LYPLAL1: variants seen among roughly 807,000 people sequenced by gnomAD.
LYPLAL1 encodes lysophospholipase-like protein 1.
A neutral mutation model predicts 19.7 loss-of-function variants in LYPLAL1; 23 were observed. The observed-to-expected ratio is 1.17, with a 90% CI of 0.84 to 1.65. The LOEUF is 1.65. LYPLAL1 is among the 40% of genes most tolerant of loss of function. The pLI is 0.00. For synonymous variants in LYPLAL1, 119 were observed against 96.3 expected, an observed-to-expected ratio of 1.24 and a Z score of -1.38; for missense variants, 355 against 279.4, an observed-to-expected ratio of 1.27 and a Z score of -1.93.
intron 3 of LYPLAL1, among the ~76,000 whole-genome samples, chr1:219,202,710 C>T (rs1201451671): frequency 6.6e-6 from 1 of 152,108 alleles, no homozygotes; most frequent in African/African-American, 2.4e-5. Context: ...CAGGGTCTTG[C>T]TGTGTTGCCC....
chr1:219,227,010 T>G, the LYPLAL1 span, among the ~76,000 whole-genome samples: 3 of 152,236 alleles, frequency 2.0e-5, no homozygotes, highest in Non-Finnish European at 4.4e-5. Context: ...ATTTCAACTC[T>G]TCTGTCTTTG....
the LYPLAL1 span, among the ~76,000 whole-genome samples, chr1:219,334,315 T>C: frequency 2.0e-5 from 3 of 152,078 alleles, no homozygotes; most frequent in Admixed American, 2.0e-4. Flanking sequence ...CAGTCTCATC[T>C]CCCACTGCAA....
At chr1:219,373,272 GAC>G in the LYPLAL1 span, among the ~76,000 whole-genome samples, 1 of 152,224 alleles carries the variant, frequency 6.6e-6, no homozygotes, top group African/African-American at 2.4e-5. Context: ...GCACATGTAA[GAC>G]ACAGTAGGAA....
the LYPLAL1 span, among the ~76,000 whole-genome samples, chr1:219,322,738 C>G: frequency 6.6e-6 from 1 of 152,132 alleles, no homozygotes; most frequent in Non-Finnish European, 1.5e-5. Context: ...CTCACTTAGC[C>G]CATTTTCTGT....
At chr1:219,349,022 C>A in the LYPLAL1 span, among the ~76,000 whole-genome samples, 1 of 152,188 alleles carries the variant, frequency 6.6e-6, no homozygotes, top group African/African-American at 2.4e-5. Flanking sequence ...GACAACAATT[C>A]ATGCAGTAGG....
the LYPLAL1 span, among the ~76,000 whole-genome samples, chr1:219,367,931 T>C: frequency 7.2e-6 from 1 of 139,070 alleles, no homozygotes; most frequent in Non-Finnish European, 1.5e-5. Context: ...CTCGACTTGA[T>C]CTATGGCTTT....
chr1:219,302,004 G>A, the LYPLAL1 span, among the ~76,000 whole-genome samples: 1 of 152,164 alleles, frequency 6.6e-6, no homozygotes, highest in Non-Finnish European at 1.5e-5. Context: ...AGAGAGAACT[G>A]GGGGTAGGGG....
the LYPLAL1 span, among the ~76,000 whole-genome samples, chr1:219,379,721 A>G: frequency 6.6e-6 from 1 of 152,194 alleles, no homozygotes; most frequent in Non-Finnish European, 1.5e-5. Context: ...TTTACATTCC[A>G]TTTTATTATT....
At chr1:219,362,583 G>T in the LYPLAL1 span, among the ~76,000 whole-genome samples, 4 of 152,252 alleles carry the variant, frequency 2.6e-5, no homozygotes, top group African/African-American at 9.6e-5. Flanking sequence ...ACAAATGGAA[G>T]CAGGAACCCC....
At chr1:219,347,225 CCCAGG>C in the LYPLAL1 span, among the ~76,000 whole-genome samples, 1 of 152,140 alleles carries the variant, frequency 6.6e-6, no homozygotes, top group East Asian at 1.9e-4. Flanking sequence ...AGCTGCTATG[CCCAGG>C]GTTTTGATTA....
chr1:219,260,658 A>C, the LYPLAL1 span, among the ~76,000 whole-genome samples: 10,436 of 148,346 alleles, frequency 0.07, 494 homozygotes, highest in Non-Finnish European at 0.11. Context: ...TATAAATTCT[A>C]TATATATAAT....
the LYPLAL1 span, among the ~76,000 whole-genome samples, chr1:219,300,064 A>G: frequency 6.6e-6 from 1 of 152,058 alleles, no homozygotes; most frequent in Non-Finnish European, 1.5e-5. Context: ...CTGCACCCAT[A>G]GTCTCCTGGG....
At chr1:219,321,782 G>T in the LYPLAL1 span, among the ~76,000 whole-genome samples, 1 of 152,108 alleles carries the variant, frequency 6.6e-6, no homozygotes, top group Non-Finnish European at 1.5e-5. Context: ...TAAAAGTTAA[G>T]ATTTGTTTCA....
At chr1:219,427,494 A>G in the LYPLAL1 span, among the ~76,000 whole-genome samples, 2 of 152,248 alleles carry the variant, frequency 1.3e-5, no homozygotes, top group Admixed American at 6.5e-5. Context: ...AAAATGTACT[A>G]TCTTCACTGA....
chr1:219,270,150 C>G, the LYPLAL1 span, among the ~76,000 whole-genome samples: 10 of 152,318 alleles, frequency 6.6e-5, no homozygotes, highest in Non-Finnish European at 1.3e-4. Context: ...CCACTTCACT[C>G]AGTCAAAGAT....
At chr1:219,445,035 C>A in the LYPLAL1 span, among the ~76,000 whole-genome samples, 1 of 149,632 alleles carries the variant, frequency 6.7e-6, no homozygotes, top group African/African-American at 2.5e-5. Context: ...TTCTAGACCA[C>A]AACCTAAAAA....
the LYPLAL1 span, among the ~76,000 whole-genome samples, chr1:219,218,824 C>T: frequency 6.6e-6 from 1 of 152,064 alleles, no homozygotes; most frequent in Non-Finnish European, 1.5e-5. Context: ...TTAAGACAAC[C>T]ATGAATAACA....
At chr1:219,442,642 C>G in the LYPLAL1 span, 1 of 152,298 alleles carries the variant, frequency 6.6e-6, no homozygotes, top group East Asian at 1.9e-4. Flanking sequence ...CTTTGAATGC[C>G]GTGGGCTGGA....
the LYPLAL1 span, among the ~76,000 whole-genome samples, chr1:219,366,431 C>T: frequency 1.3e-5 from 2 of 152,082 alleles, no homozygotes; most frequent in East Asian, 1.9e-4. Context: ...AAAAACACTC[C>T]GAATTCTAAG....
Sources: allele counts gnomAD v4.1 joint callset (sites outside exome capture counted in the v4.1 genomes callset), GRCh38; gene constraint gnomAD v4.1.1; transcripts MANE v1.5; gene names NCBI Gene and HGNC (gene_info 2026-07-23, HGNC 2026-07-21).